MAST4: variants seen among roughly 807,000 people sequenced by gnomAD.
The protein encoded by MAST4 is microtubule associated serine/threonine kinase family member 4.
Under a neutral mutation model 162.7 loss-of-function variants are expected in MAST4, and 89 were observed. The observed-to-expected ratio is 0.55, with a 90% CI of 0.46 to 0.65. The LOEUF (loss-of-function observed/expected upper bound fraction) is 0.65. MAST4 is among the 30% of genes least tolerant of loss of function. The pLI, the probability that MAST4 is intolerant of heterozygous loss-of-function variation, is 0.00. For synonymous variants in MAST4, 1,479 were observed against 1,361.1 expected (o/e 1.09, Z -1.91); for missense variants, 3,153 against 3,374.0 (o/e 0.93, Z 1.62).
rs1454857322 is a variant in MAST4 at position 66,700,886 on chromosome 5, G to C, written c.364-58823G>C. ...AACATATTCAAGTGTCCTTTTATTT[G>C]TATAAAATGGATTGCTTATGGCTCT... On this transcript the variant is annotated intron_variant, in intron 1 of 28. Transcript: ENST00000403625. Among the ~76,000 whole-genome samples, 11 of 151,022 alleles carry C rather than the reference G, an allele frequency of 7.3e-5. No individual in the cohort carries two copies. In the East Asian group the frequency reaches 2.1e-3, roughly 29 times the overall value.
chr5:66,837,894 ATTTTT>A (rs754095073), intron 3 of MAST4, among the ~76,000 whole-genome samples: 177 of 53,612 alleles, frequency 3.3e-3, no homozygotes, highest in African/African-American at 9.1e-3. Context: ...ATATATATAT[ATTTTT>A]TTTTTTTTTT....
At chr5:66,969,104 G>A in intron 4 of MAST4, among the ~76,000 whole-genome samples, 1 of 152,194 alleles carries the variant, frequency 6.6e-6, no homozygotes, top group East Asian at 1.9e-4. Flanking sequence ...TAAGAGAATT[G>A]TGAATTGGGG....
chr5:67,121,467 A>T (rs1488140960), intron 14 of MAST4, among the ~76,000 whole-genome samples: 1 of 151,238 alleles, frequency 6.6e-6, no homozygotes, highest in African/African-American at 2.4e-5. Context: ...TCATATATTT[A>T]TAATTTTCTA....
intron 3 of MAST4, among the ~76,000 whole-genome samples, chr5:66,842,363 A>G (rs1332465072): frequency 5.9e-5 from 9 of 152,138 alleles, no homozygotes; most frequent in African/African-American, 1.2e-4. Context: ...AATTTGCCAA[A>G]CACCTTTTTA....
At chr5:66,854,030 C>T (rs964284857) in intron 3 of MAST4, among the ~76,000 whole-genome samples, 14 of 152,092 alleles carry the variant, frequency 9.2e-5, no homozygotes, top group African/African-American at 3.1e-4. Context: ...TCCACAAAGG[C>T]AGGGACTGAC....
chr5:66,935,984 A>C (rs1350007531), intron 4 of MAST4, among the ~76,000 whole-genome samples: 1 of 152,060 alleles, frequency 6.6e-6, no homozygotes. Flanking sequence ...CTTTAATCCT[A>C]AGGTCAGGTT....
chr5:66,843,277 G>A (rs975178702), intron 3 of MAST4, among the ~76,000 whole-genome samples: 2 of 152,090 alleles, frequency 1.3e-5, no homozygotes, highest in African/African-American at 4.8e-5. Flanking sequence ...ACTCTTTTCC[G>A]TGCTGTCCAT....
In MAST4 at chr5:67,145,328, G is replaced by A. The variant is rs1770945633; in HGVS notation, c.3043G>A (p.Glu1015Lys). The change falls in exon 23 of 29, where the codon GAG (glutamate) becomes AAG (lysine). Residue 1015 changes from glutamate to lysine, a missense_variant. Glu to Lys is a moderately conservative substitution (Grantham distance 56). Transcript: ENST00000403625. ...ALPPEECAQEEPEVTTPASTI... is the reference protein window; with the variant it reads ...ALPPEECAQEKPEVTTPASTI... ...TCCTCCTGAAGAGTGTGCCCAGGAG[G>A]AGCCTGAGGTCACCACCCCAGCCAG... 6.2e-7 allele frequency: 1 copy of A among 1,613,304 alleles called. No individual in the cohort carries two copies. Among genetic ancestry groups the A allele is most frequent in the Non-Finnish European group, 8.5e-7 (1 of 1,179,870 alleles).
intron 3 of MAST4, among the ~76,000 whole-genome samples, chr5:66,790,599 C>T (rs985230608): frequency 6.6e-6 from 1 of 152,142 alleles, no homozygotes; most frequent in Admixed American, 6.5e-5. Flanking sequence ...GGCTGGAATA[C>T]AGTGGCACCA....
rs748572007 is a variant in MAST4, at chr5:67,165,700, C to G, written c.6521C>G (p.Ser2174Trp). ...AAGCCCAGCACTGCAGAGCCCAGCT[C>G]GAGCCCCCAGGACCCTCCCAAGCCT... is the stretch of plus-strand genomic sequence containing the variant. Reference protein sequence around the residue: ...GAKPSTAEPSSSPQDPPKPVA... With the variant: ...GAKPSTAEPSWSPQDPPKPVA... Residue 2174 changes from serine to tryptophan, a missense_variant, in exon 29 of 29, where the codon TCG becomes TGG. This residue lies in a region of MAST4 where 1,644 missense variants were observed against 1,495.0 expected (regional missense o/e 1.10). Coordinates refer to ENST00000403625, the MANE Select transcript of MAST4 (RefSeq NM_001164664.2). 5 of 1,579,018 alleles carry G rather than the reference C, an allele frequency of 3.2e-6. No homozygotes were observed. Among genetic ancestry groups the G allele is most frequent in the Non-Finnish European group, 4.3e-6 (5 of 1,163,582 alleles).
chr5:66,781,894 T>C (rs912610742), intron 2 of MAST4, among the ~76,000 whole-genome samples: 1 of 152,200 alleles, frequency 6.6e-6, no homozygotes, highest in East Asian at 1.9e-4. Context: ...CTCCAGAGGC[T>C]ATTATTTAAT....
At chr5:67,100,310 C>A in intron 7 of MAST4, 125 bp from the exon 8 acceptor site, 2 of 919,246 alleles carry the variant, frequency 2.2e-6, no homozygotes, top group Non-Finnish European at 1.6e-6. Flanking sequence ...GTTCTTATAA[C>A]TTTAACATGA....
chr5:66,928,036 A>G (rs754543921), intron 4 of MAST4, among the ~76,000 whole-genome samples: 3 of 152,126 alleles, frequency 2.0e-5, no homozygotes, highest in African/African-American at 7.2e-5. Flanking sequence ...TTTTATAAGG[A>G]CACAGTTATA....
intron 1 of MAST4, among the ~76,000 whole-genome samples, chr5:66,664,452 A>AAAAAT (rs1381947007): frequency 7.4e-5 from 11 of 148,972 alleles, no homozygotes; most frequent in African/African-American, 2.5e-4. Context: ...AAAAAAAAAA[A>AAAAAT]GAAAATAGAA....
intron 5 of MAST4, among the ~76,000 whole-genome samples, chr5:67,076,357 C>T (rs1761641703): frequency 6.6e-6 from 1 of 152,186 alleles, no homozygotes; most frequent in Non-Finnish European, 1.5e-5. Flanking sequence ...ACAGCTTTCT[C>T]TTGGGTCTGA....
intron 5 of MAST4, among the ~76,000 whole-genome samples, chr5:67,071,472 G>C (rs1310290419): frequency 6.6e-6 from 1 of 152,096 alleles, no homozygotes; most frequent in Non-Finnish European, 1.5e-5. Flanking sequence ...ACAGAAGATG[G>C]CTGGGCGTGG....
chr5:67,076,953 A>G (rs1010545915), intron 5 of MAST4, among the ~76,000 whole-genome samples: 5 of 152,140 alleles, frequency 3.3e-5, no homozygotes, highest in African/African-American at 9.7e-5. Flanking sequence ...TCTGTGGTCT[A>G]ACACATTTTC....
chr5:66,991,870 C>T (rs1363260260), intron 4 of MAST4, among the ~76,000 whole-genome samples: 1 of 152,202 alleles, frequency 6.6e-6, no homozygotes, highest in Non-Finnish European at 1.5e-5. Context: ...TCACCAGAGA[C>T]AGCCTGGGCC....
At chr5:67,147,706 TAA>T (rs1771270515) in intron 23 of MAST4, among the ~76,000 whole-genome samples, 1 of 152,188 alleles carries the variant, frequency 6.6e-6, no homozygotes, top group Non-Finnish European at 1.5e-5. Flanking sequence ...ATGGGAAGCT[TAA>T]GTTTTGTGAG....
Sources: gnomAD v4.1 joint callset for allele counts (sites outside exome capture counted in the v4.1 genomes callset) on GRCh38, gnomAD v4.1.1 for gene constraint, gnomAD v4.1.1 regional missense constraint, MANE v1.5 for transcripts, NCBI Gene and HGNC (gene_info 2026-07-23, HGNC 2026-07-21) for gene names.